Variants in EPHA6 observed in about 807,000 individuals in gnomAD.
The protein encoded by EPHA6 is ephrin type-A receptor 6.
EPHA6 carries 50 observed loss-of-function variants against 112.0 expected under a neutral mutation model. That is an observed-to-expected ratio of 0.45 (90% CI 0.36 to 0.56). The LOEUF (loss-of-function observed/expected upper bound fraction) is 0.56, where lower values mean the gene tolerates loss of function less well. EPHA6 is among the 20% of genes least tolerant of loss of function. The pLI is 0.00. For synonymous variants in EPHA6, 529 were observed against 490.7 expected (o/e 1.08, Z -1.03); for missense variants, 1,280 against 1,417.4 (o/e 0.90, Z 1.56).
chr3:96,846,508 G>A (rs1234887293), intron 1 of EPHA6, among the ~76,000 whole-genome samples: 1 of 151,886 alleles, frequency 6.6e-6, no homozygotes, highest in African/African-American at 2.4e-5. Context: ...AAATAGTGGA[G>A]AATCTCTATT....
intron 6 of EPHA6, among the ~76,000 whole-genome samples, chr3:97,430,629 A>G (rs1013860423): frequency 1.3e-5 from 2 of 152,162 alleles, no homozygotes; most frequent in African/African-American, 4.8e-5. Context: ...ATTTTCATTC[A>G]CAATAGTTAA....
rs2093443415 is a variant in EPHA6, at chr3:97,582,026, T to C, written c.2387-10586T>C. ...CTTTTTTATTTTTATTTTTATTTCA[T>C]TTTATTTTTTTTTTGAGACAGAGTT... On this transcript the variant is annotated intron_variant, in intron 11 of 17. Coordinates refer to ENST00000389672, the MANE Select transcript of EPHA6 (RefSeq NM_001080448.3). 2.6e-5 allele frequency among the ~76,000 whole-genome samples: 4 copies of C among 152,124 alleles called. No individual in the cohort carries two copies. The South Asian group carries it at 8.3e-4, about 32-fold the overall frequency.
At chr3:97,436,896 A>G (rs1560006495) in intron 6 of EPHA6, among the ~76,000 whole-genome samples, 1 of 152,188 alleles carries the variant, frequency 6.6e-6, no homozygotes, top group African/African-American at 2.4e-5. Context: ...AATCCAATGC[A>G]CTATAGTTCT....
chr3:97,587,256 A>G (rs956134182), intron 11 of EPHA6, among the ~76,000 whole-genome samples: 1 of 151,988 alleles, frequency 6.6e-6, no homozygotes, highest in African/African-American at 2.4e-5. Context: ...AAAAAAAAGA[A>G]ACTATCTTAC....
rs867565211 is a variant in EPHA6 at position 97,583,305 on chromosome 3, C to T, written c.2387-9307C>T. ...CTGTAATCCCAGCACTTTGGGAAGCCGAGGCGGGTGTATCACAAAGTCAGG... is the reference window on the plus strand; with the variant it reads ...CTGTAATCCCAGCACTTTGGGAAGCTGAGGCGGGTGTATCACAAAGTCAGG... On this transcript the variant is annotated intron_variant, in intron 11 of 17. Coordinates refer to ENST00000389672, the MANE Select transcript of EPHA6 (RefSeq NM_001080448.3). 3.2e-4 allele frequency among the ~76,000 whole-genome samples: 49 copies of T among 151,800 alleles called. 1 individual carries two copies. The highest frequency in any genetic ancestry group is 3.4e-3 in the Middle Eastern group (1 of 294).
intron 5 of EPHA6, among the ~76,000 whole-genome samples, chr3:97,380,476 G>A (rs909944612): frequency 6.6e-6 from 1 of 152,098 alleles, no homozygotes; most frequent in Non-Finnish European, 1.5e-5. Context: ...CATTACCGTG[G>A]ATCCCTTTGG....
chr3:97,339,757 A>G (rs1457203111), intron 5 of EPHA6, among the ~76,000 whole-genome samples: 2 of 152,208 alleles, frequency 1.3e-5, no homozygotes, highest in African/African-American at 4.8e-5. Context: ...TGTGAGGCAA[A>G]TAGAAGTTTG....
At chr3:97,694,091 T>C (rs976948183) in intron 14 of EPHA6, among the ~76,000 whole-genome samples, 1 of 152,174 alleles carries the variant, frequency 6.6e-6, no homozygotes, top group Admixed American at 6.5e-5. Flanking sequence ...ACTTTGATTA[T>C]TTTATAGCAA....
At chr3:96,901,476 A>ATTT (rs565569852) in intron 2 of EPHA6, among the ~76,000 whole-genome samples, 1 of 146,930 alleles carries the variant, frequency 6.8e-6, no homozygotes, top group African/African-American at 2.5e-5. Context: ...CTGGGAAAAG[A>ATTT]TTTTTTTTTT....
In EPHA6 at chr3:96,836,708, G is replaced by A. The variant is rs181546425; in HGVS notation, c.385+21700G>A. On this transcript the variant is annotated intron_variant, in intron 1 of 17. Transcript: ENST00000389672. The stretch of plus-strand genomic sequence containing the variant: ...AAAGAAGAGAACAGTAAAAGGAAGG[G>A]CAGATAAGCCAGTTGTATCCAAGTG... 9.3e-4 allele frequency among the ~76,000 whole-genome samples: 141 copies of A among 152,280 alleles called. 1 individual carries two copies. Among genetic ancestry groups the A allele is most frequent in the Middle Eastern group, 3.4e-3 (1 of 294 alleles).
At chr3:96,839,678 G>A (rs2034621046) in intron 1 of EPHA6, among the ~76,000 whole-genome samples, 1 of 151,976 alleles carries the variant, frequency 6.6e-6, no homozygotes, top group Non-Finnish European at 1.5e-5. Context: ...AGAGTCAGAG[G>A]TGTTAGTTAA....
intron 11 of EPHA6, among the ~76,000 whole-genome samples, chr3:97,545,166 A>G (rs984152020): frequency 4.6e-5 from 7 of 152,006 alleles, no homozygotes; most frequent in East Asian, 3.9e-4. Flanking sequence ...TAGGGTGTCA[A>G]TTTTAGATCT....
rs2036091372 is a variant in EPHA6, at chr3:97,758,976, A to C, written c.*10275A>C. ...GTGGATTCACTACTTCAAGATTTGGAAGGCATCAGTATATATATGCTATTT... is the reference window on the plus strand; with the variant it reads ...GTGGATTCACTACTTCAAGATTTGGCAGGCATCAGTATATATATGCTATTT... On this transcript the variant is annotated 3_prime_UTR_variant, in exon 18 of 18. Transcript: ENST00000389672. Among the ~76,000 whole-genome samples the C allele has an allele frequency of 6.6e-6, 1 of 151,994 alleles. No individual in the cohort carries two copies. The highest frequency in any genetic ancestry group is 1.5e-5 in the Non-Finnish European group (1 of 67,894).
intron 2 of EPHA6, among the ~76,000 whole-genome samples, chr3:96,972,052 AAAT>A (rs2042334956): frequency 6.6e-6 from 1 of 152,096 alleles, no homozygotes; most frequent in South Asian, 2.1e-4. Context: ...TTTTGGGAAA[AAAT>A]AATAATATGC....
At chr3:97,059,274 T>C (rs1419602104) in intron 3 of EPHA6, among the ~76,000 whole-genome samples, 1 of 152,166 alleles carries the variant, frequency 6.6e-6, no homozygotes, top group Non-Finnish European at 1.5e-5. Context: ...TAATAGCCTA[T>C]GCAAAATAAA....
chr3:97,253,928 T>A (rs941036443), intron 5 of EPHA6, among the ~76,000 whole-genome samples: 2 of 152,068 alleles, frequency 1.3e-5, no homozygotes, highest in Admixed American at 1.3e-4. Context: ...AAGTTTATTA[T>A]TTTTTATAAA....
At chr3:97,706,123 G>A (rs2033663604) in intron 14 of EPHA6, among the ~76,000 whole-genome samples, 2 of 152,140 alleles carry the variant, frequency 1.3e-5, no homozygotes, top group African/African-American at 2.4e-5. Flanking sequence ...CAACCTGCTT[G>A]GTATGATGCA....
At chr3:96,936,976 A>G (rs1298747451) in intron 2 of EPHA6, among the ~76,000 whole-genome samples, 1 of 152,166 alleles carries the variant, frequency 6.6e-6, no homozygotes, top group African/African-American at 2.4e-5. Context: ...TCCATGGTGT[A>G]TATGTGCCAC....
intron 15 of EPHA6, among the ~76,000 whole-genome samples, chr3:97,724,929 T>C (rs1179418047): frequency 6.6e-6 from 1 of 151,918 alleles, no homozygotes; most frequent in Non-Finnish European, 1.5e-5. Flanking sequence ...ATGGAAACAA[T>C]ACTGTGTGAA....
Sources: gnomAD v4.1 joint callset for allele counts (sites outside exome capture counted in the v4.1 genomes callset) on GRCh38, gnomAD v4.1.1 for gene constraint, MANE v1.5 for transcripts, NCBI Gene and HGNC (gene_info 2026-07-23, HGNC 2026-07-21) for gene names.